Variants in ZNF804B observed in about 807,000 individuals in gnomAD.
The protein encoded by ZNF804B is zinc finger protein 804B, also known as zinc finger 804B.
A neutral mutation model predicts 101.4 loss-of-function variants in ZNF804B; 80 were observed. The ratio of observed to expected loss-of-function variants is 0.79; its 90% CI spans 0.66 to 0.95. ZNF804B has a LOEUF of 0.95. ZNF804B is among the 40% of genes least tolerant of loss of function. The pLI is 0.00. For synonymous variants in ZNF804B, 622 were observed against 558.8 expected (o/e 1.11, Z -1.59); for missense variants, 1,673 against 1,561.9 (o/e 1.07, Z -1.20).
chr7:88,918,461 A>G (rs1479782885), intron 1 of ZNF804B, among the ~76,000 whole-genome samples: 1 of 152,144 alleles, frequency 6.6e-6, no homozygotes, highest in African/African-American at 2.4e-5. Flanking sequence ...TTATTGCTCT[A>G]TCTGTTGAGA....
intron 2 of ZNF804B, among the ~76,000 whole-genome samples, chr7:89,253,889 G>A (rs1485060436): frequency 6.6e-6 from 1 of 152,066 alleles, no homozygotes; most frequent in Non-Finnish European, 1.5e-5. Flanking sequence ...ATGGATGAAT[G>A]TAGTTCACCT....
chr7:89,014,857 A>C (rs182058321), intron 1 of ZNF804B, among the ~76,000 whole-genome samples: 1 of 152,132 alleles, frequency 6.6e-6, no homozygotes. Context: ...TTGTTGCTTG[A>C]TATAATCACA....
chr7:89,220,082 CATATATATACGCACAT>C (rs1562920379), intron 2 of ZNF804B, among the ~76,000 whole-genome samples: 23 of 44,090 alleles, frequency 5.2e-4, no homozygotes, highest in African/African-American at 2.2e-3. Context: ...TGTGTATATA[CATATATATACGCACAT>C]ATATATGTGT....
intron 1 of ZNF804B, among the ~76,000 whole-genome samples, chr7:88,829,149 A>G (rs1412037119): frequency 2.0e-5 from 3 of 152,240 alleles, no homozygotes; most frequent in Admixed American, 1.3e-4. Flanking sequence ...CACTGGTGCC[A>G]TCATAGCTCA....
chr7:88,791,514 G>T (rs981056427), intron 1 of ZNF804B, among the ~76,000 whole-genome samples: 5 of 152,018 alleles, frequency 3.3e-5, no homozygotes, highest in African/African-American at 9.7e-5. Context: ...GATTAAGATT[G>T]TTAATAATTC....
At chr7:89,216,674 C>T (rs1788901866) in intron 1 of ZNF804B, among the ~76,000 whole-genome samples, 1 of 152,150 alleles carries the variant, frequency 6.6e-6, no homozygotes, top group African/African-American at 2.4e-5. Context: ...GTTTTACCCT[C>T]TTATATTTGG....
intron 2 of ZNF804B, among the ~76,000 whole-genome samples, chr7:89,300,952 G>C (rs942640451): frequency 5.3e-5 from 8 of 151,618 alleles, no homozygotes; most frequent in Non-Finnish European, 1.0e-4. Flanking sequence ...TGATGGCTTG[G>C]GTAGGTGTAA....
Position 89,220,003 on chromosome 7 carries a change from GCACATATATGTGTGTATACATA to G in ZNF804B, c.249+1709_249+1730del, listed in dbSNP as rs1562920213. Reference sequence around the variant, plus strand: ...TACATATGTGTGCATATATGTATATGCACATATATGTGTGTATACATATATATACGCACATATATGTGCATAT... The same window carrying G: ...TACATATGTGTGCATATATGTATATGTATATACGCACATATATGTGCATAT... On this transcript the variant is annotated intron_variant, in intron 2 of 3. Transcript: ENST00000333190. Among the ~76,000 whole-genome samples, 17 of 23,006 alleles carry G rather than the reference GCACATATATGTGTGTATACATA, an allele frequency of 7.4e-4. 8 individuals carry two copies. The highest frequency in any genetic ancestry group is 3.8e-3 in the African/African-American group (17 of 4,500). 15.1% of individuals were successfully genotyped at this position (23,006 alleles called of 152,430 possible). A position where few individuals can be genotyped will look rare whatever the true frequency, so the allele number is the denominator to read the frequency against.
chr7:88,854,181 A>G (rs1026533127), intron 1 of ZNF804B, among the ~76,000 whole-genome samples: 4 of 152,164 alleles, frequency 2.6e-5, no homozygotes, highest in Admixed American at 1.3e-4. Context: ...TGTGTTAGAC[A>G]CTTGAACAAG....
chr7:88,832,211 C>G (rs937188741), intron 1 of ZNF804B, among the ~76,000 whole-genome samples: 1 of 151,606 alleles, frequency 6.6e-6, no homozygotes, highest in Admixed American at 6.6e-5. Flanking sequence ...TACTCTTATG[C>G]CATAAATACA....
chr7:89,188,566 G>A (rs964181769), intron 1 of ZNF804B, among the ~76,000 whole-genome samples: 2 of 152,238 alleles, frequency 1.3e-5, no homozygotes, highest in South Asian at 2.1e-4. Context: ...TGCTGAAAGC[G>A]TGGCCACTTG....
chr7:88,953,362 C>T (rs1990020), intron 1 of ZNF804B, among the ~76,000 whole-genome samples: 113,663 of 151,648 alleles, frequency 0.75, 42,793 homozygotes, highest in South Asian at 0.84. Context: ...CTCAGATAGA[C>T]CTCCCTTCAC....
rs112762904 is a variant in ZNF804B, at chr7:89,248,231, A to C, written c.249+29936A>C. ...TTTTCCTAATCTTGCTACACAGTAGACAGCAAGATACAAGAAATCCAGAGA... is the reference window on the plus strand; with the variant it reads ...TTTTCCTAATCTTGCTACACAGTAGCCAGCAAGATACAAGAAATCCAGAGA... On this transcript the variant is annotated intron_variant, in intron 2 of 3. Transcript: ENST00000333190. 9.0e-3 allele frequency among the ~76,000 whole-genome samples: 1,375 copies of C among 152,302 alleles called. 8 individuals are homozygous for C. The highest frequency in any genetic ancestry group is 0.014 in the Non-Finnish European group (984 of 68,022).
At chr7:89,241,432 A>G (rs1036448712) in intron 2 of ZNF804B, among the ~76,000 whole-genome samples, 2 of 151,936 alleles carry the variant, frequency 1.3e-5, no homozygotes, top group Admixed American at 6.6e-5. Context: ...TTTACCCTCA[A>G]ATCTTTGTTT....
intron 2 of ZNF804B, among the ~76,000 whole-genome samples, chr7:89,257,342 A>G (rs1478413458): frequency 1.3e-5 from 2 of 152,146 alleles, no homozygotes; most frequent in Admixed American, 6.6e-5. Context: ...CCTTCATAAA[A>G]TACTATATTT....
At chr7:89,039,712 G>A (rs1788986505) in intron 1 of ZNF804B, among the ~76,000 whole-genome samples, 1 of 151,638 alleles carries the variant, frequency 6.6e-6, no homozygotes, top group Non-Finnish European at 1.5e-5. Flanking sequence ...TAGAAGGAAA[G>A]AGCATTCTTA....
chr7:88,769,267 T>C (rs932320826), intron 1 of ZNF804B, among the ~76,000 whole-genome samples: 1 of 152,218 alleles, frequency 6.6e-6, no homozygotes, highest in African/African-American at 2.4e-5. Context: ...GATTTTTCCA[T>C]AGAGAATTTT....
At chr7:89,158,369 C>T (rs1791008030) in intron 1 of ZNF804B, among the ~76,000 whole-genome samples, 1 of 152,136 alleles carries the variant, frequency 6.6e-6, no homozygotes, top group Non-Finnish European at 1.5e-5. Context: ...TAGTCCTCTT[C>T]CTCCCTTAGC....
chr7:89,175,858 C>A (rs1485328871), intron 1 of ZNF804B, among the ~76,000 whole-genome samples: 2 of 151,534 alleles, frequency 1.3e-5, no homozygotes, highest in Non-Finnish European at 3.0e-5. Context: ...TTCTTGATTT[C>A]TTTTTCATAT....
Sources: allele counts gnomAD v4.1 joint callset (sites outside exome capture counted in the v4.1 genomes callset), GRCh38; gene constraint gnomAD v4.1.1; transcripts MANE v1.5; gene names NCBI Gene and HGNC (gene_info 2026-07-23, HGNC 2026-07-21).